MID1: variants seen among roughly 807,000 people sequenced by gnomAD.
MID1 encodes E3 ubiquitin-protein ligase Midline-1.
A neutral mutation model predicts 40.4 loss-of-function variants in MID1; 7 were observed. The ratio of observed to expected loss-of-function variants is 0.17; its 90% confidence interval spans 0.10 to 0.33. MID1 has a LOEUF of 0.33. Among genes scored for constraint, MID1 ranks in the 10% least tolerant of loss-of-function variants. The pLI is 1.00. For synonymous variants in MID1, 229 were observed against 221.2 expected (o/e 1.04, Z -0.31); for missense variants, 367 against 558.5 (o/e 0.66, Z 3.46).
At chrX:10,802,567 A>G (rs1454233554) in intron 1 of MID1, among the ~76,000 whole-genome samples, 3 of 111,987 alleles carry the variant, frequency 2.7e-5, no homozygotes, top group African/African-American at 9.7e-5. Context: ...TAAACTGTTG[A>G]TTGTTGTTGG....
chrX:10,567,735 TTC>T (rs1934610031), intron 1 of MID1, 132 bp from the exon 2 acceptor site: 5 of 452,009 alleles, frequency 1.1e-5, no homozygotes, highest in Middle Eastern at 5.9e-4. Context: ...TTCCAAATAA[TTC>T]TCTTTCTATT....
chrX:10,646,000 T>C (rs1172618293), intron 1 of MID1, among the ~76,000 whole-genome samples: 1 of 111,366 alleles, frequency 9.0e-6, no homozygotes, highest in Non-Finnish European at 1.9e-5. Flanking sequence ...TGAACCTCAG[T>C]TGTCCATAGG....
intron 1 of MID1, among the ~76,000 whole-genome samples, chrX:10,647,963 A>G (rs1482121608): frequency 8.9e-6 from 1 of 111,836 alleles, no homozygotes; most frequent in African/African-American, 3.2e-5. Context: ...AATACACAAA[A>G]TTCCTCAATA....
intron 1 of MID1, among the ~76,000 whole-genome samples, chrX:10,738,041 T>C (rs1218295153): frequency 3.6e-5 from 4 of 110,705 alleles, no homozygotes; most frequent in African/African-American, 9.9e-5. Flanking sequence ...TACTGTGAGG[T>C]TGGGTACCCC....
At chrX:10,588,370 T>C (rs929618427) in intron 1 of MID1, among the ~76,000 whole-genome samples, 4 of 111,497 alleles carry the variant, frequency 3.6e-5, no homozygotes, top group Non-Finnish European at 7.5e-5. Context: ...TGAATGCATC[T>C]GGGCCATTCG....
chrX:10,539,007 A>G (rs1226136450), intron 2 of MID1, among the ~76,000 whole-genome samples: 1 of 112,302 alleles, frequency 8.9e-6, no homozygotes, highest in Non-Finnish European at 1.9e-5. Flanking sequence ...CATTTTGATT[A>G]AATTAGTTTC....
At chrX:10,675,820 T>C (rs1262156659) in intron 1 of MID1, among the ~76,000 whole-genome samples, 1 of 111,789 alleles carries the variant, frequency 8.9e-6, no homozygotes, top group Non-Finnish European at 1.9e-5. Context: ...TTTGAAAATG[T>C]TGAAGGAAAC....
In MID1 at chrX:10,448,639, G is replaced by A. The variant is rs1242282453; in HGVS notation, c.*729C>T. On this transcript the variant is annotated 3_prime_UTR_variant, in exon 10 of 10. Coordinates refer to ENST00000317552, the MANE Select transcript of MID1 (RefSeq NM_000381.4). Reference sequence around the variant, plus strand: ...TTTCAATTGCAATCTCATTCTTAATGTTCTTCCAGAACCCTTAACCCTGAG... The same window carrying A: ...TTTCAATTGCAATCTCATTCTTAATATTCTTCCAGAACCCTTAACCCTGAG... 1 of 112,091 alleles carries A rather than the reference G, an allele frequency of 8.9e-6. No individual in the cohort carries two copies. Among genetic ancestry groups the A allele is most frequent in the Non-Finnish European group, 1.9e-5 (1 of 53,245 alleles). 9.2% of individuals were successfully genotyped at this position (112,091 alleles called of 1,213,427 possible).
chrX:10,774,294 A>G (rs2043788518), intron 1 of MID1, among the ~76,000 whole-genome samples: 1 of 110,848 alleles, frequency 9.0e-6, no homozygotes, highest in Non-Finnish European at 1.9e-5. Flanking sequence ...GACCTCACAA[A>G]GTGCCAGAAA....
At chrX:10,749,319 A>G (rs190787380) in intron 1 of MID1, among the ~76,000 whole-genome samples, 1 of 111,382 alleles carries the variant, frequency 9.0e-6, no homozygotes, top group East Asian at 2.8e-4. Flanking sequence ...AATATAGCCC[A>G]TGGACCAACA....
chrX:10,718,724 G>A (rs1267563159), intron 1 of MID1, among the ~76,000 whole-genome samples: 2 of 111,604 alleles, frequency 1.8e-5, no homozygotes, highest in Admixed American at 1.9e-4. Flanking sequence ...TGATACCAAA[G>A]CATGGCAGAG....
At position 10,482,478 on chromosome X, in the gene MID1, A is replaced by G; in HGVS notation, c.1013+2T>C. ...GAAATTCCCAGGGGCCCCTGCACTCACCTCTCGGTGATATTCTTAGCAGTC... is the reference window on the plus strand; with the variant it reads ...GAAATTCCCAGGGGCCCCTGCACTCGCCTCTCGGTGATATTCTTAGCAGTC... On this transcript the variant is annotated splice_donor_variant, in intron 5 of 9. Coordinates refer to ENST00000317552, the MANE Select transcript of MID1 (RefSeq NM_000381.4). LOFTEE classifies it high-confidence loss of function. 1 of 1,208,215 alleles carries G rather than the reference A, an allele frequency of 8.3e-7. No individual in the cohort carries two copies. The highest frequency in any genetic ancestry group is 1.1e-6 in the Non-Finnish European group (1 of 894,727).
At chrX:10,496,998 C>T (rs995537257) in intron 3 of MID1, among the ~76,000 whole-genome samples, 1 of 112,239 alleles carries the variant, frequency 8.9e-6, no homozygotes, top group African/African-American at 3.2e-5. Context: ...CTGAGAAGTA[C>T]AAATGTGGAA....
At chrX:10,477,732 G>C (rs1021025699) in intron 5 of MID1, among the ~76,000 whole-genome samples, 2 of 112,029 alleles carry the variant, frequency 1.8e-5, no homozygotes, top group African/African-American at 3.2e-5. Flanking sequence ...GACGTGTCTG[G>C]AGCTATGCTG....
At chrX:10,772,804 G>A (rs2043779448) in intron 1 of MID1, among the ~76,000 whole-genome samples, 1 of 109,767 alleles carries the variant, frequency 9.1e-6, no homozygotes, top group Admixed American at 9.8e-5. Flanking sequence ...GTACATATAT[G>A]TATAAATAAA....
At chrX:10,808,537 G>A (rs959048783) in intron 1 of MID1, among the ~76,000 whole-genome samples, 1 of 109,011 alleles carries the variant, frequency 9.2e-6, no homozygotes, top group Non-Finnish European at 1.9e-5. Flanking sequence ...CCTCTCTATG[G>A]ACCCCTCTCT....
At chrX:10,475,071 C>T (rs767353685) in intron 5 of MID1, 67 of 346,819 alleles carry the variant, frequency 1.9e-4, no homozygotes, top group Admixed American at 5.8e-4. Flanking sequence ...GGCCCGGTCA[C>T]GTCTAACCCC....
chrX:10,571,933 A>G (rs939235735), intron 1 of MID1, among the ~76,000 whole-genome samples: 1 of 109,264 alleles, frequency 9.2e-6, no homozygotes, highest in African/African-American at 3.3e-5. Flanking sequence ...AAAAAGATGC[A>G]TGCCAAAGAC....
chrX:10,705,678 C>G (rs1442939258), intron 1 of MID1, among the ~76,000 whole-genome samples: 2 of 111,788 alleles, frequency 1.8e-5, no homozygotes, highest in South Asian at 3.8e-4. Context: ...GAAGTTGGCA[C>G]TTACTATCCC....
Sources: allele counts gnomAD v4.1 joint callset (sites outside exome capture counted in the v4.1 genomes callset), GRCh38; gene constraint gnomAD v4.1.1; transcripts MANE v1.5; gene names NCBI Gene and HGNC (gene_info 2026-07-23, HGNC 2026-07-21).